The following CNTN5 variants were observed in gnomAD, a reference collection of about 807,000 sequenced individuals.
CNTN5 encodes contactin-5.
CNTN5 carries 77 observed loss-of-function variants against 129.1 expected under a neutral mutation model. The observed-to-expected ratio is 0.60, with a 90% CI of 0.50 to 0.72. The LOEUF (loss-of-function observed/expected upper bound fraction) is 0.72. CNTN5 is among the 30% of genes least tolerant of loss of function. The pLI, the probability that CNTN5 is intolerant of heterozygous loss-of-function variation, is 0.00. For synonymous variants in CNTN5, 509 were observed against 465.6 expected (o/e 1.09, Z -1.20); for missense variants, 1,478 against 1,328.8 (o/e 1.11, Z -1.75).
At chr11:99,254,973 G>T (rs1344246853) in intron 1 of CNTN5, among the ~76,000 whole-genome samples, 1 of 152,020 alleles carries the variant, frequency 6.6e-6, no homozygotes, top group Non-Finnish European at 1.5e-5. Flanking sequence ...TTTTGAACAA[G>T]CCGATGTTTT....
At chr11:99,492,534 C>T (rs911495379) in intron 2 of CNTN5, among the ~76,000 whole-genome samples, 43 of 152,090 alleles carry the variant, frequency 2.8e-4, no homozygotes, top group African/African-American at 8.9e-4. Context: ...AGTGCTATAG[C>T]GCTGTGATAG....
At chr11:99,770,313 A>G (rs976801939) in intron 3 of CNTN5, among the ~76,000 whole-genome samples, 1 of 152,120 alleles carries the variant, frequency 6.6e-6, no homozygotes, top group African/African-American at 2.4e-5. Flanking sequence ...AAGAAGTCTC[A>G]TTCTTATATC....
intron 3 of CNTN5, among the ~76,000 whole-genome samples, chr11:99,771,193 C>T (rs1944932958): frequency 6.6e-6 from 1 of 152,130 alleles, no homozygotes; most frequent in African/African-American, 2.4e-5. Flanking sequence ...TGGACTTTCA[C>T]ATACAGAAGA....
chr11:100,335,181 G>C (rs567643277), intron 21 of CNTN5, among the ~76,000 whole-genome samples: 1 of 151,898 alleles, frequency 6.6e-6, no homozygotes, highest in Non-Finnish European at 1.5e-5. Flanking sequence ...ATTTTAACAA[G>C]TGTGAAAAAT....
chr11:99,563,998 C>T (rs1344259080), intron 3 of CNTN5, among the ~76,000 whole-genome samples: 5 of 152,130 alleles, frequency 3.3e-5, no homozygotes, highest in Non-Finnish European at 7.4e-5. Flanking sequence ...ATAAGAAAAA[C>T]GTGGGCTCAT....
At chr11:99,581,757 G>C (rs1056145211) in intron 3 of CNTN5, among the ~76,000 whole-genome samples, 1 of 152,178 alleles carries the variant, frequency 6.6e-6, no homozygotes, top group Admixed American at 6.5e-5. Context: ...CCTGAATACA[G>C]CACACTGTAT....
At chr11:99,029,236 T>C (rs1863245183) in intron 1 of CNTN5, among the ~76,000 whole-genome samples, 1 of 151,900 alleles carries the variant, frequency 6.6e-6, no homozygotes, top group African/African-American at 2.4e-5. Flanking sequence ...TTTTTTTTAA[T>C]GAGACACAAT....
At chr11:99,277,682 G>A (rs1863504739) in intron 1 of CNTN5, among the ~76,000 whole-genome samples, 1 of 151,580 alleles carries the variant, frequency 6.6e-6, no homozygotes, top group African/African-American at 2.4e-5. Flanking sequence ...TAGTCAAAGA[G>A]GAAATCCTGT....
chr11:99,885,371 A>G (rs1474366231), intron 6 of CNTN5, among the ~76,000 whole-genome samples: 1 of 152,208 alleles, frequency 6.6e-6, no homozygotes, highest in Non-Finnish European at 1.5e-5. Flanking sequence ...ATGACAAGTA[A>G]ACTATTCAGC....
rs535607559 is a variant in CNTN5 at position 99,346,950 on chromosome 11, C to T, written c.-71+21466C>T. 2.0e-4 allele frequency among the ~76,000 whole-genome samples: 31 copies of T among 152,282 alleles called. No homozygotes were observed. The East Asian group carries it at 6.0e-3, about 29-fold the overall frequency. On this transcript the variant is annotated intron_variant, in intron 2 of 24. Coordinates refer to ENST00000524871, the MANE Select transcript of CNTN5 (RefSeq NM_014361.4). ...AATAACTATTTGTTATAGAAGCTAC[C>T]CACCCTATGATATTTTGTTATAGCA... is the stretch of plus-strand genomic sequence containing the variant.
At chr11:99,618,690 T>C (rs1036593170) in intron 3 of CNTN5, among the ~76,000 whole-genome samples, 1 of 152,178 alleles carries the variant, frequency 6.6e-6, no homozygotes, top group Non-Finnish European at 1.5e-5. Flanking sequence ...GATAAACATA[T>C]AATCTAGTTA....
intron 7 of CNTN5, among the ~76,000 whole-genome samples, chr11:99,933,899 A>C (rs1950245863): frequency 6.6e-6 from 1 of 152,168 alleles, no homozygotes; most frequent in South Asian, 2.1e-4. Context: ...GAAGAGGTAT[A>C]TGTCTTTGTG....
chr11:99,100,904 T>C (rs1284829418), intron 1 of CNTN5, among the ~76,000 whole-genome samples: 5 of 152,234 alleles, frequency 3.3e-5, no homozygotes, highest in Admixed American at 2.0e-4. Flanking sequence ...TGCTGAAATA[T>C]ATTTCTTACA....
chr11:99,243,742 T>G (rs888888846), intron 1 of CNTN5, among the ~76,000 whole-genome samples: 1 of 150,920 alleles, frequency 6.6e-6, no homozygotes, highest in African/African-American at 2.4e-5. Context: ...GCTTATTTTT[T>G]TTTTTTTTTT....
intron 3 of CNTN5, among the ~76,000 whole-genome samples, chr11:99,706,682 T>C (rs751511965): frequency 2.0e-5 from 3 of 151,492 alleles, no homozygotes; most frequent in East Asian, 1.9e-4. Flanking sequence ...TACCTACTAA[T>C]GATGTATCAA....
chr11:100,085,444 T>G (rs1944513043), intron 13 of CNTN5, among the ~76,000 whole-genome samples: 1 of 152,016 alleles, frequency 6.6e-6, no homozygotes, highest in Non-Finnish European at 1.5e-5. Flanking sequence ...TCAATTCAAT[T>G]TATTTCCATA....
intron 2 of CNTN5, among the ~76,000 whole-genome samples, chr11:99,378,522 T>C (rs1940326841): frequency 6.6e-6 from 1 of 152,104 alleles, no homozygotes; most frequent in Admixed American, 6.6e-5. Context: ...TAGATGACCT[T>C]TGAATCTAAG....
intron 16 of CNTN5, among the ~76,000 whole-genome samples, chr11:100,228,466 C>T (rs1205172967): frequency 2.0e-5 from 3 of 152,174 alleles, no homozygotes; most frequent in Non-Finnish European, 4.4e-5. Context: ...ATTGAACTTC[C>T]TTCATCTGTC....
intron 2 of CNTN5, among the ~76,000 whole-genome samples, chr11:99,350,119 T>C (rs1179216605): frequency 6.6e-6 from 1 of 152,176 alleles, no homozygotes; most frequent in African/African-American, 2.4e-5. Flanking sequence ...AATTAGGAGT[T>C]TTATTTTTAA....
Sources: gnomAD v4.1 joint callset for allele counts (sites outside exome capture counted in the v4.1 genomes callset) on GRCh38, gnomAD v4.1.1 for gene constraint, MANE v1.5 for transcripts, NCBI Gene and HGNC (gene_info 2026-07-23, HGNC 2026-07-21) for gene names.